Variants in AGMO observed in about 807,000 individuals in gnomAD.
AGMO encodes the protein alkylglycerol monooxygenase, also known as glyceryl-ether monooxygenase.
Under a neutral mutation model 60.2 loss-of-function variants are expected in AGMO, and 75 were observed. The observed-to-expected ratio is 1.25, with a 90% confidence interval of 1.03 to 1.51. The LOEUF is 1.51. AGMO is among the 40% of genes most tolerant of loss of function. The pLI, the probability that AGMO is intolerant of heterozygous loss-of-function variation, is 0.00. For synonymous variants in AGMO, 261 were observed against 177.1 expected, an observed-to-expected ratio of 1.47 and a Z score of -3.76; for missense variants, 763 against 525.5, an observed-to-expected ratio of 1.45 and a Z score of -4.42.
intron 12 of AGMO, among the ~76,000 whole-genome samples, chr7:15,320,123 GA>G (rs1470915469): frequency 6.8e-6 from 1 of 148,052 alleles, no homozygotes; most frequent in Non-Finnish European, 1.5e-5. Flanking sequence ...TGGGGTGGGG[GA>G]GGGGGAAGGG....
chr7:15,550,719 G>C (rs1488803094), intron 2 of AGMO, among the ~76,000 whole-genome samples: 25 of 143,582 alleles, frequency 1.7e-4, no homozygotes, highest in Non-Finnish European at 1.1e-4. Context: ...TGGATTCACA[G>C]CCGAATTCTA....
chr7:15,232,828 A>ACACAC (rs1385058870), intron 12 of AGMO, among the ~76,000 whole-genome samples: 6 of 93,900 alleles, frequency 6.4e-5, no homozygotes, highest in South Asian at 3.8e-4. Flanking sequence ...CACACACACA[A>ACACAC]AAACTAAAGA....
the AGMO span, among the ~76,000 whole-genome samples, chr7:15,179,034 C>A: frequency 6.6e-6 from 1 of 152,112 alleles, no homozygotes; most frequent in African/African-American, 2.4e-5. Flanking sequence ...GCCCTCATGA[C>A]CTAATCACCT....
chr7:15,121,914 G>A, the AGMO span, among the ~76,000 whole-genome samples: 4 of 152,012 alleles, frequency 2.6e-5, no homozygotes, highest in Admixed American at 6.6e-5. Flanking sequence ...CTCAAGATGG[G>A]TTAAAGGCTT....
chr7:15,342,779 CAAAAAAAAA>C (rs780336320), intron 12 of AGMO, among the ~76,000 whole-genome samples: 736 of 61,668 alleles, frequency 0.012, 20 homozygotes, highest in African/African-American at 0.051. Flanking sequence ...AGTATAGCTG[CAAAAAAAAA>C]AAAAAAAAAA....
intron 5 of AGMO, among the ~76,000 whole-genome samples, chr7:15,394,499 T>C (rs910541187): frequency 1.1e-4 from 17 of 152,210 alleles, no homozygotes; most frequent in Admixed American, 3.3e-4. Context: ...CTCAATTTTC[T>C]CATCTTTAAA....
chr7:15,194,879 G>A, the AGMO span, among the ~76,000 whole-genome samples: 1 of 152,082 alleles, frequency 6.6e-6, no homozygotes, highest in South Asian at 2.1e-4. Context: ...TTTAGGCTCC[G>A]ATTGTCTCAG....
intron 5 of AGMO, among the ~76,000 whole-genome samples, chr7:15,396,758 AGAGCTGATTGGTCCATCTTACAGG>A (rs1562486513): frequency 1.3e-5 from 2 of 150,800 alleles, no homozygotes; most frequent in Non-Finnish European, 2.9e-5. Context: ...CATTTTACGG[AGAGCTGATTGGTCCATCTTACAGG>A]GAGCTGATTG....
At chr7:15,299,879 ACACACAC>A (rs1563075562) in intron 12 of AGMO, among the ~76,000 whole-genome samples, 1,602 of 126,928 alleles carry the variant, frequency 0.013, 70 homozygotes, top group African/African-American at 0.027. Flanking sequence ...ACACACACAC[ACACACAC>A]AGTATGTTTT....
intron 12 of AGMO, among the ~76,000 whole-genome samples, chr7:15,306,966 A>G (rs1446084006): frequency 6.6e-6 from 1 of 151,990 alleles, no homozygotes; most frequent in African/African-American, 2.4e-5. Flanking sequence ...AGCATACTGA[A>G]TTTTGGTGAA....
chr7:15,354,406 ACACACGTGTGTG>A lies in AGMO; in HGVS notation c.1263+11096_1263+11107del, dbSNP rs1563105365. Among the ~76,000 whole-genome samples, 12 of 31,952 alleles carry A rather than the reference ACACACGTGTGTG, an allele frequency of 3.8e-4. 1 individual carries two copies. Among genetic ancestry groups the A allele is most frequent in the African/African-American group, 2.6e-3 (7 of 2,700 alleles). 21.0% of individuals were successfully genotyped at this position (31,952 alleles called of 152,430 possible). A position where few individuals can be genotyped will look rare whatever the true frequency, so the allele number is the denominator to read the frequency against. The stretch of plus-strand genomic sequence containing the variant: ...CACGTGTGTGTATACACGTGTGTGT[ACACACGTGTGTG>A]TATACACACACGTGTGTGTATACAC... On this transcript the variant is annotated intron_variant, in intron 12 of 12. Transcript: ENST00000342526.
intron 2 of AGMO, 36 bp downstream of exon 2, chr7:15,560,105 G>C (rs1179695640): frequency 6.5e-7 from 1 of 1,538,226 alleles, no homozygotes; most frequent in Non-Finnish European, 8.8e-7. Flanking sequence ...GGCAATTTCA[G>C]TTTTTATGCT....
chr7:15,162,864 A>G, the AGMO span, among the ~76,000 whole-genome samples: 1 of 152,066 alleles, frequency 6.6e-6, no homozygotes, highest in African/African-American at 2.4e-5. Context: ...TCCCATATAA[A>G]TTGTAAAAGA....
At chr7:15,479,974 A>G (rs1782707460) in intron 3 of AGMO, among the ~76,000 whole-genome samples, 1 of 152,200 alleles carries the variant, frequency 6.6e-6, no homozygotes, top group African/African-American at 2.4e-5. Context: ...AAGCAAAAAA[A>G]AGCAACATGA....
the AGMO span, among the ~76,000 whole-genome samples, chr7:15,163,765 T>G: frequency 1.4e-5 from 2 of 140,342 alleles, no homozygotes; most frequent in African/African-American, 5.3e-5. Flanking sequence ...ATCTGGGATA[T>G]TAGCCTACAG....
rs563485940 is a variant in AGMO at position 15,303,954 on chromosome 7, G to T, written c.1263+61560C>A. 2.6e-4 allele frequency among the ~76,000 whole-genome samples: 40 copies of T among 152,260 alleles called. 1 individual carries two copies. In the South Asian group the frequency reaches 7.9e-3, roughly 30 times the overall value. ...TATAGACCTGGAAGAGAATAGGTCT[G>T]TGGGTATATCTCTAATAGCTCAAAA... On this transcript the variant is annotated intron_variant, in intron 12 of 12. Transcript: ENST00000342526.
chr7:15,172,930 G>A, the AGMO span, among the ~76,000 whole-genome samples: 5 of 152,104 alleles, frequency 3.3e-5, no homozygotes, highest in Non-Finnish European at 1.5e-5. Context: ...CAAGTGATAG[G>A]CACAAATAAC....
At chr7:15,424,444 C>T (rs961326882) in intron 4 of AGMO, among the ~76,000 whole-genome samples, 3 of 152,174 alleles carry the variant, frequency 2.0e-5, no homozygotes, top group African/African-American at 7.2e-5. Context: ...TTAGAGAGAA[C>T]TCAATTTGCT....
chr7:15,330,825 C>G (rs1483211323), intron 12 of AGMO, among the ~76,000 whole-genome samples: 1 of 151,716 alleles, frequency 6.6e-6, no homozygotes, highest in Non-Finnish European at 1.5e-5. Flanking sequence ...TTTTTTTAAT[C>G]TGCCAAATGG....
Sources: allele counts gnomAD v4.1 joint callset (sites outside exome capture counted in the v4.1 genomes callset), GRCh38; gene constraint gnomAD v4.1.1; transcripts MANE v1.5; gene names NCBI Gene and HGNC (gene_info 2026-07-23, HGNC 2026-07-21).